VPS53: variants seen among roughly 807,000 people sequenced by gnomAD.
VPS53 encodes the protein VPS53 subunit of GARP complex, also known as vacuolar protein sorting-associated protein 53 homolog.
VPS53 carries 70 observed loss-of-function variants against 107.0 expected under a neutral mutation model. That is an observed-to-expected ratio of 0.65 (90% CI 0.54 to 0.80). The LOEUF (loss-of-function observed/expected upper bound fraction) is 0.80. VPS53 is among the 30% of genes least tolerant of loss of function. VPS53 has a pLI of 0.00. For synonymous variants in VPS53, 409 were observed against 393.3 expected, an observed-to-expected ratio of 1.04 and a Z score of -0.47; for missense variants, 917 against 1,049.4, an observed-to-expected ratio of 0.87 and a Z score of 1.74.
intron 7 of VPS53, among the ~76,000 whole-genome samples, chr17:634,054 C>T (rs1264920057): frequency 2.6e-5 from 4 of 152,276 alleles, no homozygotes; most frequent in Admixed American, 6.5e-5. Flanking sequence ...GAAGTCCAGC[C>T]GCTAGCCAGG....
At chr17:562,373 G>C (rs1460030578) in intron 14 of VPS53, 130 bp downstream of exon 14, 22 of 1,293,750 alleles carry the variant, frequency 1.7e-5, no homozygotes, top group Non-Finnish European at 2.3e-5. Context: ...AGGCCCTCGG[G>C]AACTCAGGAA....
chr17:558,951 T>C (rs907970194), intron 15 of VPS53, among the ~76,000 whole-genome samples: 3 of 149,470 alleles, frequency 2.0e-5, no homozygotes, highest in Non-Finnish European at 4.5e-5. Context: ...GCCAAGATCA[T>C]GGCCACTGCA....
rs570976079 is a variant in VPS53 at position 645,774 on chromosome 17, C to A, written c.608+7517G>T. Reference sequence around the variant, plus strand: ...TATACCGACTGGAGATAGGCTCCCACACACATCTCCGTGACCGTGTGGCCA... The same window carrying A: ...TATACCGACTGGAGATAGGCTCCCAAACACATCTCCGTGACCGTGTGGCCA... On this transcript the variant is annotated intron_variant, in intron 7 of 21. Coordinates refer to ENST00000437048, the MANE Select transcript of VPS53 (RefSeq NM_001128159.3). 5.3e-5 allele frequency among the ~76,000 whole-genome samples: 8 copies of A among 150,800 alleles called. 1 individual carries two copies. In the South Asian group the frequency reaches 1.7e-3, roughly 31 times the overall value.
intron 19 of VPS53, among the ~76,000 whole-genome samples, chr17:528,009 A>G (rs559635401): frequency 1.3e-5 from 2 of 152,258 alleles, no homozygotes; most frequent in South Asian, 4.2e-4. Flanking sequence ...AAGGTCATAA[A>G]CATATTGTCT....
At chr17:648,517 C>T (rs943317436) in intron 7 of VPS53, among the ~76,000 whole-genome samples, 38 of 152,198 alleles carry the variant, frequency 2.5e-4, no homozygotes, top group African/African-American at 8.9e-4. Context: ...TGCCACTGCA[C>T]TCCAGCCTGG....
intron 14 of VPS53, among the ~76,000 whole-genome samples, chr17:562,233 A>G (rs1913072737): frequency 6.6e-6 from 1 of 152,182 alleles, no homozygotes; most frequent in Non-Finnish European, 1.5e-5. Flanking sequence ...ATCCATGAAA[A>G]TTAAATAGGC....
At chr17:690,804 T>C (rs1449151176) in intron 4 of VPS53, among the ~76,000 whole-genome samples, 1 of 151,826 alleles carries the variant, frequency 6.6e-6, no homozygotes, top group East Asian at 1.9e-4. Flanking sequence ...TCCAAGGTAA[T>C]GGAAGAACAG....
chr17:620,034 T>C (rs1050818702), intron 11 of VPS53, among the ~76,000 whole-genome samples: 1 of 152,228 alleles, frequency 6.6e-6, no homozygotes, highest in Non-Finnish European at 1.5e-5. Flanking sequence ...TTTTCACCTG[T>C]TTTGTGACCC....
chr17:550,772 C>T (rs1180404528), intron 17 of VPS53, among the ~76,000 whole-genome samples: 1 of 151,502 alleles, frequency 6.6e-6, no homozygotes. Flanking sequence ...AAGGCATAGG[C>T]ACATAAAAGT....
intron 12 of VPS53, among the ~76,000 whole-genome samples, chr17:600,408 C>A (rs1597366472): frequency 3.3e-5 from 5 of 152,308 alleles, no homozygotes; most frequent in Admixed American, 3.3e-4. Flanking sequence ...GGGCTCTACA[C>A]CCAGAGCCTT....
chr17:639,700 G>A (rs946736354), intron 7 of VPS53, among the ~76,000 whole-genome samples: 3 of 152,192 alleles, frequency 2.0e-5, no homozygotes, highest in Admixed American at 6.5e-5. Flanking sequence ...TGTTTGCCTG[G>A]GTATCAGCAG....
intron 10 of VPS53, 145 bp downstream of exon 10, chr17:627,029 C>T: frequency 9.3e-7 from 1 of 1,079,846 alleles, no homozygotes; most frequent in East Asian, 2.9e-5. Flanking sequence ...GGTGGGGCCA[C>T]TGTGGGGTAC....
intron 10 of VPS53, among the ~76,000 whole-genome samples, chr17:625,103 C>T (rs1969645146): frequency 6.6e-6 from 1 of 151,872 alleles, no homozygotes; most frequent in Non-Finnish European, 1.5e-5. Flanking sequence ...ATCCTCCCAC[C>T]TCAGCCTCTC....
intron 20 of VPS53, among the ~76,000 whole-genome samples, chr17:521,281 A>C (rs1469450693): frequency 6.6e-6 from 1 of 152,226 alleles, no homozygotes; most frequent in Non-Finnish European, 1.5e-5. Flanking sequence ...CTGTGCCTGA[A>C]ATTCCTGCTG....
At chr17:626,769 T>C (rs1969728155) in intron 10 of VPS53, among the ~76,000 whole-genome samples, 1 of 152,196 alleles carries the variant, frequency 6.6e-6, no homozygotes, top group Admixed American at 6.5e-5. Flanking sequence ...TGCTATATCA[T>C]TAAGGTAGAT....
intron 5 of VPS53, chr17:656,754 A>C (rs1414936924): frequency 6.7e-6 from 6 of 891,234 alleles, no homozygotes; most frequent in African/African-American, 1.8e-5. Flanking sequence ...CATTATTTTT[A>C]ATTACGTACA....
At chr17:700,280 C>T (rs1434349639) in intron 2 of VPS53, among the ~76,000 whole-genome samples, 2 of 152,070 alleles carry the variant, frequency 1.3e-5, no homozygotes, top group South Asian at 2.1e-4. Context: ...CAGTGGCTCA[C>T]GCCTGTAATC....
At chr17:712,029 G>A (rs977117428) in intron 1 of VPS53, among the ~76,000 whole-genome samples, 2 of 151,896 alleles carry the variant, frequency 1.3e-5, no homozygotes, top group Non-Finnish European at 2.9e-5. Flanking sequence ...TGTTGGCCAG[G>A]ATGGTCTCAA....
rs778921852 is a variant in VPS53 at position 714,593 on chromosome 17, G to T, written c.87+30C>A. The T allele has an allele frequency of 1.0e-5, 16 of 1,585,618 alleles. No homozygotes were observed. In the South Asian group the frequency reaches 1.8e-4, roughly 18 times the overall value. ...CTGCCGTCTCCCCTCCCGCACTCCC[G>T]TTTCCCCTCCTGAGGGGCGGAACGC... On this transcript the variant is annotated intron_variant, in intron 1 of 21. Transcript: ENST00000437048.
Sources: allele counts gnomAD v4.1 joint callset (sites outside exome capture counted in the v4.1 genomes callset), GRCh38; gene constraint gnomAD v4.1.1; transcripts MANE v1.5; gene names NCBI Gene and HGNC (gene_info 2026-07-23, HGNC 2026-07-21).